The following TRPM2 variants were observed in gnomAD, a reference collection of about 807,000 sequenced individuals.
TRPM2 encodes estrogen-responsive element-associated gene 1 protein.
A neutral mutation model predicts 174.0 loss-of-function variants in TRPM2; 161 were observed. The observed-to-expected ratio is 0.93, with a 90% CI of 0.81 to 1.05. The LOEUF is 1.05. TRPM2 is among the 50% of genes least tolerant of loss of function. The probability of loss-of-function intolerance (pLI) is 0.00; values close to 1 mark genes in which losing one functional copy is unlikely to be tolerated. For synonymous variants in TRPM2, 954 were observed against 861.3 expected, an observed-to-expected ratio of 1.11 and a Z score of -1.88; for missense variants, 2,057 against 2,038.0, an observed-to-expected ratio of 1.01 and a Z score of -0.18.
chr21:44,439,579 C>G lies in TRPM2; in HGVS notation c.4269+411C>G, dbSNP rs929631806. On this transcript the variant is annotated intron_variant, in intron 30 of 31. Transcript: ENST00000397928. This position sits in a 1 kb window ranked among gnomAD's most constrained non-coding sequence, Gnocchi z 5.1. ...CTCAGACCTCGCCCCGACTCCCAAG[C>G]TCTGGAGGGGCCCTTCCCACATGCA... Among the ~76,000 whole-genome samples, 1 of 152,178 alleles carries G rather than the reference C, an allele frequency of 6.6e-6. No individual in the cohort carries two copies. The highest frequency in any genetic ancestry group is 1.5e-5 in the Non-Finnish European group (1 of 68,030).
chr21:44,405,797 C>A lies in TRPM2; in HGVS notation c.2658-108C>A, dbSNP rs149791482. 1,166 of 1,394,548 alleles carry A rather than the reference C, an allele frequency of 8.4e-4. 10 individuals carry two copies. In the African/African-American group the frequency reaches 0.015, roughly 18 times the overall value. 86.4% of individuals were successfully genotyped at this position (1,394,548 alleles called of 1,614,324 possible). On this transcript the variant is annotated intron_variant, in intron 17 of 31. Transcript: ENST00000397928. ...ATGCAGGGCCCACCAGAGCCCTTTG[C>A]CTCCAGGGCCCACCTGGGCTAGGAC...
intron 11 of TRPM2, among the ~76,000 whole-genome samples, chr21:44,392,597 A>G (rs2049217001): frequency 1.3e-5 from 2 of 152,004 alleles, no homozygotes; most frequent in African/African-American, 4.8e-5. Context: ...GAACACACCT[A>G]TCCACTTAGG....
intron 15 of TRPM2, among the ~76,000 whole-genome samples, chr21:44,401,128 T>C (rs980050701): frequency 5.9e-5 from 9 of 152,048 alleles, no homozygotes; most frequent in African/African-American, 1.9e-4. Context: ...TGCTGGCTTC[T>C]CTCCTGCTCT....
chr21:44,425,131 G>A (rs1438946349), intron 24 of TRPM2, 192 bp downstream of exon 24: 5 of 591,498 alleles, frequency 8.5e-6, no homozygotes, highest in African/African-American at 3.7e-5. Flanking sequence ...CCGAGGCCCC[G>A]CCCAATCCCT....
intron 12 of TRPM2, 137 bp from the exon 13 acceptor site, chr21:44,397,610 G>A: frequency 1.1e-6 from 1 of 916,068 alleles, no homozygotes; most frequent in South Asian, 2.8e-5. Flanking sequence ...CTGTATAGAT[G>A]TGGTCACACA....
intron 2 of TRPM2, among the ~76,000 whole-genome samples, chr21:44,362,479 C>T (rs2048243654): frequency 6.6e-6 from 1 of 150,810 alleles, no homozygotes; most frequent in Non-Finnish European, 1.5e-5. Flanking sequence ...CGCCACTGCA[C>T]TCTAGCCTGG....
Position 44,367,007 on chromosome 21 carries a change from AG to A in TRPM2, c.604+76del. ...CTGTGGAGGCAGTGCTGGGGCAATC[AG>A]GGCCATCAGGACCCAAAAAGTCCCT... is the stretch of plus-strand genomic sequence containing the variant. On this transcript the variant is annotated intron_variant, in intron 4 of 31. Transcript: ENST00000397928. This position sits in a 1 kb window ranked among gnomAD's most constrained non-coding sequence, Gnocchi z 4.6. 1 of 1,473,686 alleles carries A rather than the reference AG, an allele frequency of 6.8e-7. No homozygotes were observed. The highest frequency in any genetic ancestry group is 2.5e-5 in the Admixed American group (1 of 39,438). 91.3% of individuals were successfully genotyped at this position (1,473,686 alleles called of 1,614,324 possible).
intron 11 of TRPM2, among the ~76,000 whole-genome samples, chr21:44,392,617 T>C (rs1479433817): frequency 6.6e-6 from 1 of 152,084 alleles, no homozygotes; most frequent in Non-Finnish European, 1.5e-5. Context: ...GAACCCACAA[T>C]GTGGCCTCGT....
chr21:44,377,123 G>T (rs1446901031), intron 6 of TRPM2, among the ~76,000 whole-genome samples: 1 of 152,346 alleles, frequency 6.6e-6, no homozygotes, highest in East Asian at 1.9e-4. Context: ...GGGGTGGGAT[G>T]TGTGGGTGAG....
chr21:44,427,654 G>T lies in TRPM2; in HGVS notation c.3974+543G>T, dbSNP rs183820298. 1.7e-4 allele frequency among the ~76,000 whole-genome samples: 26 copies of T among 152,332 alleles called. No individual in the cohort carries two copies. In the East Asian group the frequency reaches 5.0e-3, roughly 29 times the overall value. ...CTGCCATGAGGAGGAGGTGGAGGAG[G>T]GGCCACCAGAACCTGGGACTGGGGG... is the stretch of plus-strand genomic sequence containing the variant. On this transcript the variant is annotated intron_variant, in intron 27 of 31. Transcript: ENST00000397928.
chr21:44,403,286 G>T lies in TRPM2; in HGVS notation c.2538+1389G>T, dbSNP rs1358549473. On this transcript the variant is annotated intron_variant, in intron 16 of 31. Coordinates refer to ENST00000397928, the MANE Select transcript of TRPM2 (RefSeq NM_003307.4). ...ACCTGTCCAGCTGCTGGGTCCTGGG[G>T]CCTGGGGCTAGGGAGGGTGTGGGGA... 2.6e-5 allele frequency among the ~76,000 whole-genome samples: 4 copies of T among 152,190 alleles called. 1 individual carries two copies. The highest frequency in any genetic ancestry group is 1.5e-5 in the Non-Finnish European group (1 of 68,032).
At chr21:44,397,336 C>A (rs2049460182) in intron 12 of TRPM2, among the ~76,000 whole-genome samples, 1 of 152,070 alleles carries the variant, frequency 6.6e-6, no homozygotes, top group South Asian at 2.1e-4. Context: ...TGCATCCGGC[C>A]CAGGAAAGGA....
At position 44,406,654 on chromosome 21, in the gene TRPM2, G is replaced by T; in HGVS notation, c.2851G>T (p.Ala951Ser). 6.2e-7 allele frequency: 1 copy of T among 1,610,098 alleles called. No individual in the cohort carries two copies. The highest frequency in any genetic ancestry group is 8.5e-7 in the Non-Finnish European group (1 of 1,179,330). The change falls in exon 19 of 32, where the codon GCC (alanine) becomes TCC (serine). Residue 951 changes from alanine to serine, a missense_variant. Coordinates refer to ENST00000397928, the MANE Select transcript of TRPM2 (RefSeq NM_003307.4). Reference sequence around the variant, plus strand: ...TGTGTGGGTGGTGTCCTTCGGGGTGGCCAAGCAGGCCATCCTCATCCACAA... The same window carrying T: ...TGTGTGGGTGGTGTCCTTCGGGGTGTCCAAGCAGGCCATCCTCATCCACAA... ...LAVWVVSFGVAKQAILIHNER... is the reference protein window; with the variant it reads ...LAVWVVSFGVSKQAILIHNER...
At chr21:44,381,237 G>A (rs1210334779) in intron 8 of TRPM2, among the ~76,000 whole-genome samples, 1 of 152,028 alleles carries the variant, frequency 6.6e-6, no homozygotes, top group Non-Finnish European at 1.5e-5. Flanking sequence ...GGCCTGGGGA[G>A]CCAGAGGGAG....
intron 13 of TRPM2, 140 bp downstream of exon 13, chr21:44,398,016 C>A: frequency 1.8e-6 from 2 of 1,088,072 alleles, no homozygotes; most frequent in Non-Finnish European, 2.4e-6. Flanking sequence ...CACGCTTACC[C>A]TGGGGTCCTC....
chr21:44,418,249 T>C, intron 21 of TRPM2, 141 bp downstream of exon 21: 1 of 1,380,944 alleles, frequency 7.2e-7, no homozygotes, highest in Middle Eastern at 2.6e-4. Flanking sequence ...TCTGCTGGCC[T>C]TGAGCAAGTG....
chr21:44,432,392 G>A lies in TRPM2; in HGVS notation c.3975-2739G>A, dbSNP rs753662821. Among the ~76,000 whole-genome samples the A allele has an allele frequency of 2.0e-5, 3 of 152,078 alleles. No individual in the cohort carries two copies. Among genetic ancestry groups the A allele is most frequent in the Non-Finnish European group, 2.9e-5 (2 of 68,012 alleles). ...TCTTCTGTTCTTAGGATTATAAATC[G>A]TACTGGGTTTAGGGCCAACCCTATT... On this transcript the variant is annotated intron_variant, in intron 27 of 31. Coordinates refer to ENST00000397928, the MANE Select transcript of TRPM2 (RefSeq NM_003307.4). The surrounding 1 kb of genome is among the most constrained non-coding windows in gnomAD (Gnocchi z 4.9).
rs368809999 is a variant in TRPM2, at chr21:44,377,259, G to A, written c.953-453G>A. On this transcript the variant is annotated intron_variant, in intron 6 of 31. Transcript: ENST00000397928. ...GATGAAGTTCAGGGTGGGGCTGGGC[G>A]GATGGACACAGGATGGACGTGCCGC... is the stretch of plus-strand genomic sequence containing the variant. 5.9e-5 allele frequency among the ~76,000 whole-genome samples: 9 copies of A among 152,318 alleles called. No individual in the cohort carries two copies. In the South Asian group the frequency reaches 8.3e-4, roughly 14 times the overall value.
intron 2 of TRPM2, among the ~76,000 whole-genome samples, chr21:44,363,682 G>A (rs2048278885): frequency 6.6e-6 from 1 of 152,206 alleles, no homozygotes; most frequent in African/African-American, 2.4e-5. Context: ...GCTGTTAGCT[G>A]TCTTTTTTCA....
Sources: allele counts gnomAD v4.1 joint callset (sites outside exome capture counted in the v4.1 genomes callset), GRCh38; gene constraint gnomAD v4.1.1; non-coding constraint Gnocchi (gnomAD v3.1); transcripts MANE v1.5; gene names NCBI Gene and HGNC (gene_info 2026-07-23, HGNC 2026-07-21).